STXBP3: variants seen among roughly 807,000 people sequenced by gnomAD.
STXBP3 encodes syntaxin binding protein 3.
STXBP3 carries 41 observed loss-of-function variants against 85.7 expected under a neutral mutation model. That is an observed-to-expected ratio of 0.48 (90% CI 0.37 to 0.62). The LOEUF is 0.62. STXBP3 is among the 20% of genes least tolerant of loss of function. The probability of loss-of-function intolerance (pLI) is 0.00; values close to 1 mark genes in which losing one functional copy is unlikely to be tolerated. For synonymous variants in STXBP3, 229 were observed against 231.7 expected, an observed-to-expected ratio of 0.99 and a Z score of 0.10; for missense variants, 563 against 703.1, an observed-to-expected ratio of 0.80 and a Z score of 2.25.
chr1:108,796,543 A>G, intron 14 of STXBP3, 77 bp from the exon 15 acceptor site: 9 of 1,325,716 alleles, frequency 6.8e-6, no homozygotes, highest in East Asian at 2.4e-5. Context: ...AGCTTCATTC[A>G]TGGGTACTAC....
intron 8 of STXBP3, among the ~76,000 whole-genome samples, chr1:108,777,534 G>T (rs964968554): frequency 6.6e-6 from 1 of 152,140 alleles, no homozygotes; most frequent in East Asian, 1.9e-4. Flanking sequence ...TTGTAGTTTT[G>T]AAGACAGAAT....
chr1:108,786,438 T>C (rs1016406998), intron 11 of STXBP3, among the ~76,000 whole-genome samples: 4 of 152,238 alleles, frequency 2.6e-5, no homozygotes, highest in Admixed American at 2.0e-4. Context: ...AGCCAAACCA[T>C]GCCATTCACT....
intron 9 of STXBP3, chr1:108,780,108 A>G (rs1320366772): frequency 6.6e-6 from 1 of 152,196 alleles, no homozygotes; most frequent in Non-Finnish European, 1.5e-5. Flanking sequence ...CTGCTTGAGT[A>G]CAGTAATAAA....
intron 18 of STXBP3, 51 bp from the exon 19 acceptor site, chr1:108,808,732 G>A: frequency 5.6e-6 from 8 of 1,423,382 alleles, no homozygotes; most frequent in Non-Finnish European, 7.9e-6. Flanking sequence ...TTAAGCGAAG[G>A]AAAATTGATT....
At chr1:108,756,410 T>A (rs1357143300) in intron 3 of STXBP3, among the ~76,000 whole-genome samples, 4 of 152,112 alleles carry the variant, frequency 2.6e-5, no homozygotes, top group African/African-American at 9.7e-5. Flanking sequence ...TTTTAATGAG[T>A]AATTCATGTA....
At chr1:108,763,137 C>T (rs895982551) in intron 6 of STXBP3, among the ~76,000 whole-genome samples, 1 of 152,186 alleles carries the variant, frequency 6.6e-6, no homozygotes, top group Non-Finnish European at 1.5e-5. Flanking sequence ...AATAGGTTTA[C>T]AGATAGATAC....
chr1:108,784,491 A>G (rs1159041239), intron 11 of STXBP3, among the ~76,000 whole-genome samples: 1 of 152,176 alleles, frequency 6.6e-6, no homozygotes, highest in African/African-American at 2.4e-5. Flanking sequence ...TGATTCAGTT[A>G]TCTCTACCTG....
Position 108,746,796 on chromosome 1 carries a change from G to A in STXBP3, c.49+10G>A, listed in dbSNP as rs1445468983. ...AGCGTCGTGTGGCAGAGTGAGTGCG[G>A]TGGGGTAGGGGTTGAGAGAGGGAAG... is the stretch of plus-strand genomic sequence containing the variant. On this transcript the variant is annotated intron_variant, in intron 1 of 18. Coordinates refer to ENST00000370008, the MANE Select transcript of STXBP3 (RefSeq NM_007269.4). 6 of 1,547,370 alleles carry A rather than the reference G, an allele frequency of 3.9e-6. No individual in the cohort carries two copies. The highest frequency in any genetic ancestry group is 5.2e-6 in the Non-Finnish European group (6 of 1,145,702).
chr1:108,771,479 T>G lies in STXBP3; in HGVS notation c.439-1186T>G, dbSNP rs1416485153. Among the ~76,000 whole-genome samples the G allele has an allele frequency of 1.5e-4, 8 of 52,020 alleles. 1 individual carries two copies. The South Asian group carries it at 2.3e-3, about 15-fold the overall frequency. The allele number at this position is 52,020 out of a possible 152,430, so 34.1% of individuals were successfully genotyped here. A position where few individuals can be genotyped will look rare whatever the true frequency, so the allele number is the denominator to read the frequency against. ...TATATAAATATATATGATATATATC[T>G]ATATATATCATATATAAATATATAT... On this transcript the variant is annotated intron_variant, in intron 6 of 18. Coordinates refer to ENST00000370008, the MANE Select transcript of STXBP3 (RefSeq NM_007269.4).
At chr1:108,781,884 A>AT (rs895678515) in intron 9 of STXBP3, 14 of 150,520 alleles carry the variant, frequency 9.3e-5, no homozygotes, top group African/African-American at 2.0e-4. Flanking sequence ...AAGTTTTTGT[A>AT]TTTTTTTTTA....
intron 6 of STXBP3, among the ~76,000 whole-genome samples, chr1:108,760,841 A>G (rs1260444246): frequency 6.6e-6 from 1 of 152,194 alleles, no homozygotes; most frequent in African/African-American, 2.4e-5. Context: ...TAAGGGATAG[A>G]CAAGTCCTAG....
At chr1:108,772,458 T>C (rs1317854390) in intron 6 of STXBP3, among the ~76,000 whole-genome samples, 1 of 143,984 alleles carries the variant, frequency 6.9e-6, no homozygotes, top group Non-Finnish European at 1.5e-5. Context: ...AATATATAAA[T>C]ACATATATCT....
chr1:108,750,146 C>G (rs1189313878), intron 1 of STXBP3, among the ~76,000 whole-genome samples: 8 of 151,904 alleles, frequency 5.3e-5, no homozygotes, highest in African/African-American at 1.9e-4. Flanking sequence ...ATCATAAATT[C>G]CATGAGCATT....
chr1:108,760,759 C>A (rs181119833), intron 6 of STXBP3, among the ~76,000 whole-genome samples: 151 of 152,172 alleles, frequency 9.9e-4, no homozygotes, highest in African/African-American at 3.4e-3. Flanking sequence ...TTGCTCTGTT[C>A]TCTGTGTTTG....
intron 6 of STXBP3, among the ~76,000 whole-genome samples, chr1:108,771,717 G>T (rs1662436465): frequency 1.4e-4 from 3 of 21,050 alleles, no homozygotes; most frequent in Non-Finnish European, 2.8e-4. Context: ...AAATATATAT[G>T]ATATCTATCT....
chr1:108,793,014 TGAGG>T (rs1663009804), intron 11 of STXBP3, among the ~76,000 whole-genome samples: 1 of 152,108 alleles, frequency 6.6e-6, no homozygotes. Context: ...ACTACACCTT[TGAGG>T]GTTATGCCCT....
intron 1 of STXBP3, among the ~76,000 whole-genome samples, chr1:108,749,176 C>T (rs144876267): frequency 2.9e-4 from 44 of 152,162 alleles, no homozygotes; most frequent in Middle Eastern, 3.4e-3. Flanking sequence ...TAATAGCTAC[C>T]AGGGAGAACA....
chr1:108,778,762 A>G (rs958071712), intron 8 of STXBP3, among the ~76,000 whole-genome samples: 3 of 152,172 alleles, frequency 2.0e-5, no homozygotes, highest in Non-Finnish European at 2.9e-5. Flanking sequence ...TACTTTTTTA[A>G]AAGGAATTTT....
intron 6 of STXBP3, among the ~76,000 whole-genome samples, chr1:108,770,342 G>A (rs569294960): frequency 1.3e-5 from 2 of 152,162 alleles, no homozygotes; most frequent in East Asian, 3.9e-4. Context: ...GGCTAAACCT[G>A]GTATCAGTGA....
Sources: allele counts gnomAD v4.1 joint callset (sites outside exome capture counted in the v4.1 genomes callset), GRCh38; gene constraint gnomAD v4.1.1; transcripts MANE v1.5; gene names NCBI Gene and HGNC (gene_info 2026-07-23, HGNC 2026-07-21).